CTIF: variants seen among roughly 807,000 people sequenced by gnomAD.
CTIF encodes cap binding complex dependent translation initiation factor.
In CTIF, 21 loss-of-function variants were observed where a neutral mutation model predicts 66.0. The ratio of observed to expected loss-of-function variants is 0.32; its 90% CI spans 0.23 to 0.46. The LOEUF is 0.46. Ranked by LOEUF, CTIF falls within the 20% of genes least tolerant of loss-of-function variation. CTIF has a pLI of 1.00. For synonymous variants in CTIF, 345 were observed against 326.4 expected (o/e 1.06, Z -0.62); for missense variants, 739 against 812.7 (o/e 0.91, Z 1.10).
chr18:48,543,342 C>T (rs1184414333), intron 1 of CTIF, among the ~76,000 whole-genome samples: 7 of 152,306 alleles, frequency 4.6e-5, no homozygotes, highest in African/African-American at 1.4e-4. Flanking sequence ...AACACAGCCC[C>T]ATTTGATGTC....
In CTIF at chr18:48,757,958, G is replaced by C. The variant is rs533184947; in HGVS notation, c.624G>C (p.Gln208His). The change falls in exon 8 of 12, where the codon CAG becomes CAC. Residue 208 changes from glutamine to histidine, a missense_variant. Physicochemically the swap from Gln to His is conservative, Grantham distance 24. Coordinates refer to ENST00000256413, the MANE Select transcript of CTIF (RefSeq NM_014772.3). ...QRPPGGNKPQ[Q>H]HGDHQPGSAK... ...CTCCGGGGGGCAACAAGCCCCAACA[G>C]CATGGTGACCACCAGCCAGGCAGTG... 7 of 1,613,764 alleles carry C rather than the reference G, an allele frequency of 4.3e-6. No individual in the cohort carries two copies. The South Asian group carries it at 6.6e-5, about 15-fold the overall frequency.
chr18:48,582,250 AG>A (rs2089673971), intron 1 of CTIF, among the ~76,000 whole-genome samples: 1 of 151,984 alleles, frequency 6.6e-6, no homozygotes, highest in Admixed American at 6.5e-5. Context: ...GCAAGGCGGC[AG>A]GGGGCAGGAG....
In CTIF at chr18:48,636,698, C is replaced by T; in HGVS notation, c.252+13C>T. 5 of 1,581,728 alleles carry T rather than the reference C, an allele frequency of 3.2e-6. No individual in the cohort carries two copies. The highest frequency in any genetic ancestry group is 4.3e-6 in the Non-Finnish European group (5 of 1,166,524). ...CCCCCCACAGCAGGTAGGGAACCAG[C>T]TCTGCGCTCTGTCTGGGGGTGTCCT... On this transcript the variant is annotated intron_variant, in intron 3 of 11. Transcript: ENST00000256413.
In CTIF at chr18:48,711,702, G is replaced by A; in HGVS notation, c.584+7G>A. 1 of 1,612,428 alleles carries A rather than the reference G, an allele frequency of 6.2e-7. No homozygotes were observed. Among genetic ancestry groups the A allele is most frequent in the South Asian group, 1.1e-5 (1 of 91,028 alleles). On this transcript the variant is annotated splice_region_variant and intron_variant, in intron 7 of 11. Transcript: ENST00000256413. ...GGAGGAGAAATGATCGAAGGTAGGA[G>A]AGACTTCGTCGTGAGCTTTGGGTTT...
chr18:48,702,325 A>T lies in CTIF; in HGVS notation c.508-9294A>T, dbSNP rs368545693. 1.2e-4 allele frequency among the ~76,000 whole-genome samples: 19 copies of T among 152,308 alleles called. No individual in the cohort carries two copies. In the East Asian group the frequency reaches 1.7e-3, roughly 14 times the overall value. ...TGCTGTGCAGATGAAAACCATCTGGATATAGGGTGCATGTCATAGGCTCTC... is the reference window on the plus strand; with the variant it reads ...TGCTGTGCAGATGAAAACCATCTGGTTATAGGGTGCATGTCATAGGCTCTC... On this transcript the variant is annotated intron_variant, in intron 6 of 11. Coordinates refer to ENST00000256413, the MANE Select transcript of CTIF (RefSeq NM_014772.3).
chr18:48,589,089 C>T (rs564925010), intron 1 of CTIF, among the ~76,000 whole-genome samples: 32 of 152,288 alleles, frequency 2.1e-4, no homozygotes, highest in Admixed American at 1.1e-3. Context: ...TGCTGGGTCA[C>T]GTCGTTGGAG....
chr18:48,622,967 C>G (rs2090523516), intron 2 of CTIF, among the ~76,000 whole-genome samples: 1 of 152,242 alleles, frequency 6.6e-6, no homozygotes, highest in Admixed American at 6.5e-5. Flanking sequence ...AAGCTTCACC[C>G]CAGAGGTATG....
intron 3 of CTIF, among the ~76,000 whole-genome samples, chr18:48,645,639 C>A (rs189934412): frequency 6.6e-6 from 1 of 152,370 alleles, no homozygotes. Context: ...CAGCAGGAAC[C>A]TGACTTGCAC....
chr18:48,826,157 G>C lies in CTIF; in HGVS notation c.1527+8781G>C, dbSNP rs556364818. On this transcript the variant is annotated intron_variant, in intron 10 of 11. Transcript: ENST00000256413. ...AGAATAATACTCATCCTGTGGCTTT[G>C]TTTTCAGGCTTAAAATAAGCGAGGT... is the stretch of plus-strand genomic sequence containing the variant. The C allele has an allele frequency of 2.4e-4, 36 of 152,312 alleles. 1 individual carries two copies. The highest frequency in any genetic ancestry group is 8.2e-4 in the African/African-American group (34 of 41,572). 9.4% of individuals were successfully genotyped at this position (152,312 alleles called of 1,614,324 possible). A position where few individuals can be genotyped will look rare whatever the true frequency, so the allele number is the denominator to read the frequency against.
chr18:48,635,327 CTTTTTT>C (rs561455888), intron 2 of CTIF, among the ~76,000 whole-genome samples: 3 of 113,378 alleles, frequency 2.6e-5, no homozygotes, highest in African/African-American at 9.9e-5. Flanking sequence ...CTTTTTCTTT[CTTTTTT>C]TTTTTTTTTT....
intron 7 of CTIF, chr18:48,755,804 T>C (rs895819693): frequency 2.6e-5 from 4 of 152,230 alleles, no homozygotes; most frequent in Admixed American, 1.3e-4. Flanking sequence ...TTTTTACAGA[T>C]ATTTTAATAA....
intron 9 of CTIF, among the ~76,000 whole-genome samples, chr18:48,779,721 A>C (rs1210909530): frequency 6.6e-6 from 1 of 152,192 alleles, no homozygotes; most frequent in African/African-American, 2.4e-5. Context: ...GTCTCCACCA[A>C]GCTGCAGACA....
At chr18:48,638,376 C>G (rs1203006800) in intron 3 of CTIF, among the ~76,000 whole-genome samples, 1 of 152,126 alleles carries the variant, frequency 6.6e-6, no homozygotes, top group Non-Finnish European at 1.5e-5. Context: ...AGTCCTTTTT[C>G]CTCTCCTCTT....
intron 1 of CTIF, among the ~76,000 whole-genome samples, chr18:48,601,355 C>T (rs952367654): frequency 1.1e-4 from 16 of 152,222 alleles, no homozygotes; most frequent in Non-Finnish European, 1.5e-5. Context: ...GCCTTCTGAT[C>T]TCTATATATT....
chr18:48,638,938 C>T (rs2090876144), intron 3 of CTIF, among the ~76,000 whole-genome samples: 1 of 152,246 alleles, frequency 6.6e-6, no homozygotes, highest in South Asian at 2.1e-4. Context: ...CTCCTACAGG[C>T]CTTAGGGGCA....
intron 3 of CTIF, among the ~76,000 whole-genome samples, chr18:48,651,729 C>A (rs2091159226): frequency 6.6e-6 from 1 of 152,196 alleles, no homozygotes; most frequent in Non-Finnish European, 1.5e-5. Context: ...AAGCACTCCT[C>A]AGCAAATGTG....
In CTIF at chr18:48,672,632, C is replaced by T. The variant is rs552099355; in HGVS notation, c.507+1888C>T. Among the ~76,000 whole-genome samples, 24 of 152,270 alleles carry T rather than the reference C, an allele frequency of 1.6e-4. No individual in the cohort carries two copies. In the South Asian group the frequency reaches 4.3e-3, roughly 28 times the overall value. ...AGACAAAAATCAGGGCTGGCCTCCC[C>T]TCCCTACCTGGAGGCAAGAAGGAAA... On this transcript the variant is annotated intron_variant, in intron 6 of 11. Transcript: ENST00000256413.
At chr18:48,829,608 GC>G (rs2068649519) in intron 10 of CTIF, among the ~76,000 whole-genome samples, 1 of 152,232 alleles carries the variant, frequency 6.6e-6, no homozygotes, top group Non-Finnish European at 1.5e-5. Context: ...CAGCACAGGT[GC>G]CCTCCATCTA....
rs1214659559 is a variant in CTIF at position 48,761,595 on chromosome 18, G to T, written c.1277G>T (p.Ser426Ile). 6.2e-7 allele frequency: 1 copy of T among 1,614,102 alleles called. No individual in the cohort carries two copies. Among genetic ancestry groups the T allele is most frequent in the African/African-American group, 1.3e-5 (1 of 74,942 alleles). The change falls in exon 9 of 12, where the codon AGC becomes ATC. Residue 426 changes from serine to isoleucine, a missense_variant. By Grantham distance (142) the Ser-to-Ile change is moderately radical. Coordinates refer to ENST00000256413, the MANE Select transcript of CTIF (RefSeq NM_014772.3). The surrounding 1 kb of genome is among the most constrained non-coding windows in gnomAD (Gnocchi z 4.2). ...TIYQKAVSDR[S>I]FAFTAAKLCD... ...TACCAGAAGGCTGTGTCCGACCGCA[G>T]CTTCGCCTTCACCGCTGCCAAGCTC...
Sources: allele counts gnomAD v4.1 joint callset (sites outside exome capture counted in the v4.1 genomes callset), GRCh38; gene constraint gnomAD v4.1.1; non-coding constraint Gnocchi (gnomAD v3.1); transcripts MANE v1.5; gene names NCBI Gene and HGNC (gene_info 2026-07-23, HGNC 2026-07-21).